ATP13A3: variants seen among roughly 807,000 people sequenced by gnomAD.
ATP13A3 encodes ATPase 13A3, also known as polyamine-transporting ATPase 13A3.
In ATP13A3, 59 loss-of-function variants were observed where a neutral mutation model predicts 158.1. The ratio of observed to expected loss-of-function variants is 0.37; its 90% CI spans 0.30 to 0.46. The LOEUF (loss-of-function observed/expected upper bound fraction) is 0.46, where lower values mean the gene tolerates loss of function less well. ATP13A3 is among the 20% of genes least tolerant of loss of function. The pLI, the probability that ATP13A3 is intolerant of heterozygous loss-of-function variation, is 1.00. For synonymous variants in ATP13A3, 491 were observed against 504.3 expected (o/e 0.97, Z 0.35); for missense variants, 1,166 against 1,525.2 (o/e 0.76, Z 3.92).
intron 16 of ATP13A3, among the ~76,000 whole-genome samples, chr3:194,440,203 G>A (rs891641814): frequency 7.9e-5 from 12 of 152,136 alleles, no homozygotes; most frequent in African/African-American, 2.7e-4. Context: ...AAACGGGAAC[G>A]AAACAGTAGC....
At chr3:194,440,012 G>C (rs956808447) in intron 16 of ATP13A3, among the ~76,000 whole-genome samples, 3 of 152,150 alleles carry the variant, frequency 2.0e-5, no homozygotes, top group Admixed American at 6.6e-5. Context: ...GTTGGCAGAT[G>C]GAGCACTTAT....
intron 30 of ATP13A3, among the ~76,000 whole-genome samples, chr3:194,422,419 G>A (rs1716455160): frequency 6.6e-6 from 1 of 152,150 alleles, no homozygotes; most frequent in African/African-American, 2.4e-5. Flanking sequence ...CTGCAGGCCA[G>A]GGTCAAGGGT....
Position 194,448,705 on chromosome 3 carries a change from C to T in ATP13A3, c.971-69G>A, listed in dbSNP as rs777804945. On this transcript the variant is annotated intron_variant, in intron 11 of 33. Transcript: ENST00000645319. This position sits in a 1 kb window ranked among gnomAD's most constrained non-coding sequence, Gnocchi z 4.0. The stretch of plus-strand genomic sequence containing the variant: ...TAAACGAAAGCACAGGAATCAGTAT[C>T]GAACACCAAAAAATATTAAATTGTT... The T allele has an allele frequency of 2.1e-6, 3 of 1,415,522 alleles. No homozygotes were observed. Among genetic ancestry groups the T allele is most frequent in the African/African-American group, 1.4e-5 (1 of 69,082 alleles). 87.7% of individuals were successfully genotyped at this position (1,415,522 alleles called of 1,614,324 possible).
intron 1 of ATP13A3, 104 bp downstream of exon 1, chr3:194,486,462 G>C (rs1053904044): frequency 6.5e-6 from 1 of 153,086 alleles, no homozygotes; most frequent in African/African-American, 2.4e-5. Context: ...TCCGGCCCGA[G>C]AAGGCTGGCC....
chr3:194,453,294 A>G (rs1718948398), intron 10 of ATP13A3, among the ~76,000 whole-genome samples: 1 of 151,364 alleles, frequency 6.6e-6, no homozygotes, highest in Admixed American at 6.6e-5. Context: ...AAAAAAAAAA[A>G]AAAAAAAAAG....
In ATP13A3 at chr3:194,430,174, T is replaced by C. The variant is rs1314157119; in HGVS notation, c.2675A>G (p.Lys892Arg). 1 of 1,613,964 alleles carries C rather than the reference T, an allele frequency of 6.2e-7. No individual in the cohort carries two copies. Among genetic ancestry groups the C allele is most frequent in the Non-Finnish European group, 8.5e-7 (1 of 1,180,000 alleles). The change falls in exon 26 of 34, where the codon AAG (lysine) becomes AGG (arginine). Residue 892 changes from lysine to arginine, a missense_variant. Lys to Arg is a conservative substitution (Grantham distance 26). Around this residue, in one of 3 missense-constraint regions of ATP13A3, gnomAD observed 997 missense variants for 1,341.2 expected, o/e 0.74. Coordinates refer to ENST00000645319, the MANE Select transcript of ATP13A3 (RefSeq NM_001367549.1). The part of the protein sequence containing the change: ...GDGANDCGAL[K>R]RAHGGISLSE... The stretch of plus-strand genomic sequence containing the variant: ...TAAGGAAATGCCTCCGTGTGCCCTC[T>C]TCAAAGCCTAATAATTTTAAGAAAA...
chr3:194,421,753 GA>G (rs1716398299), intron 30 of ATP13A3, among the ~76,000 whole-genome samples: 1 of 151,386 alleles, frequency 6.6e-6, no homozygotes, highest in Non-Finnish European at 1.5e-5. Flanking sequence ...AAACAGAAAA[GA>G]AAAAAGACAA....
At position 194,441,380 on chromosome 3, in the gene ATP13A3, T is replaced by G; in HGVS notation, c.1641A>C (p.Ser547=). The G allele has an allele frequency of 1.9e-6, 3 of 1,613,718 alleles. No homozygotes were observed. Among genetic ancestry groups the G allele is most frequent in the Non-Finnish European group, 2.5e-6 (3 of 1,179,658 alleles). ...AGAGCACTCCTTCAATTTTTGTAAG[T>G]GAATGACAAGTAGCCATACAAGCAA... ...QFVACMATCH[S]LTKIEGVLSG... The change falls in exon 16 of 34, where the codon TCA becomes TCC. Residue 547 remains serine, a synonymous_variant. Coordinates refer to ENST00000645319, the MANE Select transcript of ATP13A3 (RefSeq NM_001367549.1).
Position 194,460,665 on chromosome 3 carries a change from C to T in ATP13A3, c.218G>A (p.Arg73Lys). Residue 73 changes from arginine (R) to lysine (K), a missense_variant, in exon 4 of 34, where the codon AGG (arginine) becomes AAG (lysine). Arg to Lys is a conservative substitution (Grantham distance 26). Around this residue, in one of 3 missense-constraint regions of ATP13A3, gnomAD observed 65 missense variants for 92.4 expected, o/e 0.70. Transcript: ENST00000645319. ...AIKDCEVVLL[R>K]TTDEFKMWFC... Reference sequence around the variant, plus strand: ...GTAAACACATAAACTTACAGTAGTCCTCAGCAGCACTACTTCACAGTCTTT... The same window carrying T: ...GTAAACACATAAACTTACAGTAGTCTTCAGCAGCACTACTTCACAGTCTTT... The T allele has an allele frequency of 6.2e-7, 1 of 1,613,790 alleles. No homozygotes were observed. Among genetic ancestry groups the T allele is most frequent in the Non-Finnish European group, 8.5e-7 (1 of 1,179,882 alleles).
At chr3:194,430,348 A>T in intron 24 of ATP13A3, 33 bp from the exon 25 acceptor site, 1 of 1,596,176 alleles carries the variant, frequency 6.3e-7, no homozygotes. Context: ...GATTTTAATT[A>T]ATTTCTTAAA....
At position 194,448,652 on chromosome 3, in the gene ATP13A3, A is replaced by G; in HGVS notation, c.971-16T>C. On this transcript the variant is annotated splice_polypyrimidine_tract_variant and intron_variant, in intron 11 of 33. Transcript: ENST00000645319. This position sits in a 1 kb window ranked among gnomAD's most constrained non-coding sequence, Gnocchi z 4.0. ...ACACTTTCTCCTTTAAAAAACAACAACAACAACAAAAACAGTTTACAAATT... is the reference window on the plus strand; with the variant it reads ...ACACTTTCTCCTTTAAAAAACAACAGCAACAACAAAAACAGTTTACAAATT... 1 of 1,601,428 alleles carries G rather than the reference A, an allele frequency of 6.2e-7. No individual in the cohort carries two copies. The highest frequency in any genetic ancestry group is 2.2e-5 in the East Asian group (1 of 44,756).
chr3:194,435,352 C>T (rs550511461), intron 20 of ATP13A3, among the ~76,000 whole-genome samples: 347 of 152,268 alleles, frequency 2.3e-3, no homozygotes, highest in Non-Finnish European at 3.5e-3. Flanking sequence ...TCTCTCACAC[C>T]GTATGAACGA....
rs2108832455 is a variant in ATP13A3, at chr3:194,434,368, C to T, written c.2121-472G>A. Among the ~76,000 whole-genome samples, 2 of 152,316 alleles carry T rather than the reference C, an allele frequency of 1.3e-5. 1 individual carries two copies. Among genetic ancestry groups the T allele is most frequent in the Middle Eastern group, 6.8e-3 (2 of 294 alleles). ...ATTAGCAATCCAACAATGAGATCTA[C>T]TTGGGACCCAGAGATGGGTCTTTGA... On this transcript the variant is annotated intron_variant, in intron 20 of 33. Transcript: ENST00000645319.
At chr3:194,454,465 G>T in intron 8 of ATP13A3, 73 bp from the exon 9 acceptor site, 1 of 1,420,942 alleles carries the variant, frequency 7.0e-7, no homozygotes, top group South Asian at 1.2e-5. Flanking sequence ...CTTTTCATTT[G>T]ACAAACAAAA....
chr3:194,437,193 A>G lies in ATP13A3; in HGVS notation c.2022T>C (p.Val674=). The part of the protein sequence containing the change: ...PETVPVDFQN[V]LEDFTKQGFR... ...AGCCCTGTTTAGTGAAGTCTTCCAAAACGTTTTGAAAATCGACAGGAACTT... is the reference window on the plus strand; with the variant it reads ...AGCCCTGTTTAGTGAAGTCTTCCAAGACGTTTTGAAAATCGACAGGAACTT... Residue 674 remains valine, a synonymous_variant, in exon 20 of 34, where the codon GTT becomes GTC. Transcript: ENST00000645319. The G allele has an allele frequency of 6.2e-7, 1 of 1,614,104 alleles. No homozygotes were observed. The highest frequency in any genetic ancestry group is 8.5e-7 in the Non-Finnish European group (1 of 1,179,972).
At chr3:194,445,303 C>G (rs1289940411) in intron 14 of ATP13A3, among the ~76,000 whole-genome samples, 4 of 151,940 alleles carry the variant, frequency 2.6e-5, no homozygotes, top group Non-Finnish European at 5.9e-5. Flanking sequence ...CAATGTAATC[C>G]CTATTTGGAT....
At chr3:194,465,258 C>T (rs369220808) in intron 2 of ATP13A3, among the ~76,000 whole-genome samples, 2 of 152,066 alleles carry the variant, frequency 1.3e-5, no homozygotes, top group South Asian at 4.1e-4. Context: ...CAGCAGTTTC[C>T]CTGAGTTTGG....
chr3:194,457,890 A>G (rs893914465), intron 6 of ATP13A3, among the ~76,000 whole-genome samples: 2 of 148,168 alleles, frequency 1.3e-5, no homozygotes, highest in Non-Finnish European at 3.0e-5. Context: ...GGTTCAAGCC[A>G]TTCTCCTGCC....
rs1044419465 is a variant in ATP13A3, at chr3:194,402,861, A to G, written c.*3058T>C. ...TCATTTCTGATATAAAGTTACTTAA[A>G]AAAATCCAAGGTCTTAGGGAATTCA... On this transcript the variant is annotated 3_prime_UTR_variant, in exon 34 of 34. Transcript: ENST00000645319. 11 of 152,222 alleles carry G rather than the reference A, an allele frequency of 7.2e-5. No homozygotes were observed. Among genetic ancestry groups the G allele is most frequent in the South Asian group, 2.1e-4 (1 of 4,836 alleles). 9.4% of individuals were successfully genotyped at this position (152,222 alleles called of 1,614,324 possible).
Sources: allele counts gnomAD v4.1 joint callset (sites outside exome capture counted in the v4.1 genomes callset), GRCh38; gene constraint gnomAD v4.1.1; regional missense constraint gnomAD v4.1.1; non-coding constraint Gnocchi (gnomAD v3.1); transcripts MANE v1.5; gene names NCBI Gene and HGNC (gene_info 2026-07-23, HGNC 2026-07-21).